The following LOC122539214 variants were observed in gnomAD, a reference collection of about 807,000 sequenced individuals.
the LOC122539214 span, chr19:52,651,039 T>C: frequency 9.2e-5 from 14 of 152,212 alleles, no homozygotes; most frequent in Non-Finnish European, 1.8e-4. Context: ...TTATCTGAGA[T>C]GGGCTACTTG....
chr19:52,672,527 G>A, the LOC122539214 span, among the ~76,000 whole-genome samples: 4 of 152,330 alleles, frequency 2.6e-5, no homozygotes, highest in African/African-American at 9.6e-5. Context: ...GCAGGAGGAT[G>A]GCTAGTGCCC....
the LOC122539214 span, among the ~76,000 whole-genome samples, chr19:52,669,487 C>T: frequency 6.6e-6 from 1 of 152,320 alleles, no homozygotes; most frequent in East Asian, 1.9e-4. Context: ...AGCCAGATGT[C>T]TTGGGAAAAT....
the LOC122539214 span, among the ~76,000 whole-genome samples, chr19:52,656,208 G>GTCTC: frequency 3.1e-4 from 45 of 144,376 alleles, no homozygotes; most frequent in Middle Eastern, 3.5e-3. Context: ...GTGAGACTCC[G>GTCTC]TCTCTCTCTC....
the LOC122539214 span, among the ~76,000 whole-genome samples, chr19:52,677,262 G>A: frequency 6.6e-6 from 1 of 150,998 alleles, no homozygotes; most frequent in African/African-American, 2.4e-5. Context: ...AAGTTGGTGA[G>A]GGGCATTTTG....
At chr19:52,669,718 T>G in the LOC122539214 span, among the ~76,000 whole-genome samples, 1 of 152,182 alleles carries the variant, frequency 6.6e-6, no homozygotes, top group African/African-American at 2.4e-5. Flanking sequence ...TGGAAAAGAA[T>G]AGTAGCCTCA....
the LOC122539214 span, among the ~76,000 whole-genome samples, chr19:52,656,864 C>CAAAA: frequency 3.1e-3 from 429 of 136,270 alleles, 6 homozygotes; most frequent in Middle Eastern, 4.0e-3. Flanking sequence ...GACTCCGTCT[C>CAAAA]AAAAAAAAAA....
the LOC122539214 span, among the ~76,000 whole-genome samples, chr19:52,672,907 A>T: frequency 1.3e-5 from 2 of 152,180 alleles, no homozygotes; most frequent in African/African-American, 4.8e-5. Context: ...AATAATTAAT[A>T]AATAGAACAT....
At chr19:52,680,793 T>C in the LOC122539214 span, among the ~76,000 whole-genome samples, 6 of 147,664 alleles carry the variant, frequency 4.1e-5, no homozygotes, top group Admixed American at 2.0e-4. Flanking sequence ...TTTGTATTTT[T>C]AGTAGAGACG....
chr19:52,664,637 G>A, the LOC122539214 span, among the ~76,000 whole-genome samples: 20 of 152,208 alleles, frequency 1.3e-4, no homozygotes, highest in Admixed American at 2.6e-4. Context: ...GCCAGGACTG[G>A]GGGGTGGAAC....
the LOC122539214 span, among the ~76,000 whole-genome samples, chr19:52,679,586 G>T: frequency 6.6e-6 from 1 of 152,178 alleles, no homozygotes; most frequent in Non-Finnish European, 1.5e-5. Flanking sequence ...ACTCCAGCAT[G>T]GGTGACAGAG....
chr19:52,672,404 A>C, the LOC122539214 span, among the ~76,000 whole-genome samples: 1 of 152,188 alleles, frequency 6.6e-6, no homozygotes, highest in Admixed American at 6.5e-5. Context: ...CTAAAATATG[A>C]TTACATTTAG....
the LOC122539214 span, among the ~76,000 whole-genome samples, chr19:52,670,361 G>A: frequency 2.6e-5 from 4 of 152,138 alleles, no homozygotes; most frequent in Non-Finnish European, 4.4e-5. Context: ...GCCAATAGGG[G>A]AATGACACAG....
the LOC122539214 span, chr19:52,652,350 G>A: frequency 2.3e-5 from 7 of 298,992 alleles, no homozygotes; most frequent in Non-Finnish European, 3.9e-5. Context: ...AAGGAGAATC[G>A]TATGAACCTG....
At chr19:52,666,618 CAAAAAAAAAA>C in the LOC122539214 span, among the ~76,000 whole-genome samples, 7 of 105,798 alleles carry the variant, frequency 6.6e-5, no homozygotes, top group Non-Finnish European at 7.7e-5. Context: ...TATCCTAAGT[CAAAAAAAAAA>C]AAAAAAAAAA....
the LOC122539214 span, among the ~76,000 whole-genome samples, chr19:52,685,897 C>CAAAAAAAAAAAAAAAAAA: frequency 7.6e-6 from 1 of 132,442 alleles, no homozygotes; most frequent in Non-Finnish European, 1.7e-5. Context: ...GTAACTGTCA[C>CAAAAAAAAAAAAAAAAAA]AAAAAAAAAA....
At chr19:52,684,732 A>T in the LOC122539214 span, among the ~76,000 whole-genome samples, 2 of 152,158 alleles carry the variant, frequency 1.3e-5, no homozygotes, top group African/African-American at 4.8e-5. Context: ...TGCAGTGATC[A>T]TTTAGGGACA....
chr19:52,654,217 T>G, the LOC122539214 span: 5 of 1,585,546 alleles, frequency 3.2e-6, no homozygotes, highest in African/African-American at 6.7e-5. Flanking sequence ...CATGGGTGCT[T>G]CATGGCCATT....
chr19:52,659,631 T>C, the LOC122539214 span, among the ~76,000 whole-genome samples: 1 of 97,262 alleles, frequency 1.0e-5, no homozygotes, highest in Non-Finnish European at 2.3e-5. Flanking sequence ...AAAAAAAGAG[T>C]ACCAGAAGTC....
the LOC122539214 span, among the ~76,000 whole-genome samples, chr19:52,687,386 T>C: frequency 5.5e-5 from 2 of 36,640 alleles, 1 homozygote; most frequent in South Asian, 1.3e-3. Context: ...ATAATTTATA[T>C]ATATATAATT....
Sources: allele counts gnomAD v4.1 joint callset (sites outside exome capture counted in the v4.1 genomes callset), GRCh38; gene constraint gnomAD v4.1.1; transcripts MANE v1.5.